Variants in HSF1 observed in about 807,000 individuals in gnomAD.
HSF1 encodes the protein heat shock transcription factor 1.
HSF1 carries 32 observed loss-of-function variants against 51.7 expected under a neutral mutation model. That is an observed-to-expected ratio of 0.62 (90% CI 0.47 to 0.83). The LOEUF (loss-of-function observed/expected upper bound fraction) is 0.83, where lower values mean the gene tolerates loss of function less well. HSF1 is among the 40% of genes least tolerant of loss of function. The probability of loss-of-function intolerance (pLI) is 0.00; values close to 1 mark genes in which losing one functional copy is unlikely to be tolerated. For missense variants in HSF1, 727 were observed against 717.0 expected, an observed-to-expected ratio of 1.01 and a Z score of -0.16; for synonymous variants, 396 against 309.7, an observed-to-expected ratio of 1.28 and a Z score of -2.92.
At position 144,291,785 on chromosome 8, in the gene HSF1, G is replaced by A; in HGVS notation, c.28G>A (p.Ala10Thr). 6.5e-7 allele frequency: 1 copy of A among 1,536,212 alleles called. No homozygotes were observed. Among genetic ancestry groups the A allele is most frequent in the South Asian group, 1.2e-5 (1 of 83,326 alleles). ...GGATCTGCCCGTGGGCCCCGGCGCGGCGGGGCCCAGCAACGTCCCGGCCTT... is the reference window on the plus strand; with the variant it reads ...GGATCTGCCCGTGGGCCCCGGCGCGACGGGGCCCAGCAACGTCCCGGCCTT... MDLPVGPGA[A>T]GPSNVPAFLT... The change falls in exon 1 of 13, where the codon GCG becomes ACG. Residue 10 changes from alanine (A) to threonine (T), a missense_variant. Physicochemically the swap from Ala to Thr is moderately conservative, Grantham distance 58. This residue lies in a region of HSF1 where 257 missense variants were observed against 318.3 expected (regional missense o/e 0.81). Transcript: ENST00000528838. The surrounding 1 kb of genome is among the most constrained non-coding windows in gnomAD (Gnocchi z 4.1).
At chr8:144,308,821 CAGAAGGGGCGGCCTGG>C in intron 1 of HSF1, 69 bp from the exon 2 acceptor site, 1 of 1,111,530 alleles carries the variant, frequency 9.0e-7, no homozygotes, top group Non-Finnish European at 1.4e-6. Flanking sequence ...GCCTGCGTTT[CAGAAGGGGCGGCCTGG>C]GGAAGGGGCG....
chr8:144,312,627 G>A (rs1450244391), intron 9 of HSF1: 15 of 1,535,306 alleles, frequency 9.8e-6, no homozygotes, highest in Non-Finnish European at 1.3e-5. Context: ...GTATCTTGCA[G>A]TTTGGCTCGC....
intron 1 of HSF1, among the ~76,000 whole-genome samples, chr8:144,304,276 A>C (rs1343930605): frequency 2.0e-5 from 3 of 152,238 alleles, no homozygotes; most frequent in Non-Finnish European, 4.4e-5. Flanking sequence ...AGGTGTCAGT[A>C]GATTTTACTC....
chr8:144,309,369 G>A (rs954144127), intron 2 of HSF1, 86 bp from the exon 3 acceptor site: 9 of 1,569,106 alleles, frequency 5.7e-6, no homozygotes, highest in Admixed American at 1.7e-5. Flanking sequence ...GCCAAGCCCC[G>A]CAGCAGCCTC....
chr8:144,295,713 C>CTT (rs536228987), intron 1 of HSF1, among the ~76,000 whole-genome samples: 74,377 of 144,254 alleles, frequency 0.52, 19,298 homozygotes, highest in Admixed American at 0.65. Context: ...CCAGACCTGG[C>CTT]TTTTTTTTTT....
In HSF1 at chr8:144,291,960, G is replaced by C. The variant is rs1196404023; in HGVS notation, c.117+86G>C. On this transcript the variant is annotated intron_variant, in intron 1 of 12. Transcript: ENST00000528838. The surrounding 1 kb of genome is among the most constrained non-coding windows in gnomAD (Gnocchi z 4.1). ...ACGGCGCGGGAGGGCTGCGGGGAGGGGCCCTGCCGCACTTCAGCTTACGCG... is the reference window on the plus strand; with the variant it reads ...ACGGCGCGGGAGGGCTGCGGGGAGGCGCCCTGCCGCACTTCAGCTTACGCG... The C allele has an allele frequency of 1.5e-6, 1 of 649,364 alleles. No individual in the cohort carries two copies. Among genetic ancestry groups the C allele is most frequent in the Non-Finnish European group, 2.3e-6 (1 of 432,578 alleles). 40.2% of individuals were successfully genotyped at this position (649,364 alleles called of 1,614,324 possible).
chr8:144,291,670 C>T lies in HSF1; in HGVS notation c.-88C>T, dbSNP rs1473198762. Reference sequence around the variant, plus strand: ...GTGTGCGCAGCGGGCGGCGGCGCGGCCCGGAAGGCTGGCGCGGCGACGGCG... The same window carrying T: ...GTGTGCGCAGCGGGCGGCGGCGCGGTCCGGAAGGCTGGCGCGGCGACGGCG... On this transcript the variant is annotated 5_prime_UTR_variant, in exon 1 of 13. Transcript: ENST00000528838. This position sits in a 1 kb window ranked among gnomAD's most constrained non-coding sequence, Gnocchi z 4.1. The T allele has an allele frequency of 1.1e-5, 8 of 746,576 alleles. No individual in the cohort carries two copies. Among genetic ancestry groups the T allele is most frequent in the Admixed American group, 4.2e-5 (1 of 24,054 alleles). The allele number at this position is 746,576 out of a possible 1,614,324, so 46.2% of individuals were successfully genotyped here. A position where few individuals can be genotyped will look rare whatever the true frequency, so the allele number is the denominator to read the frequency against.
chr8:144,313,466 TG>T, intron 9 of HSF1, 44 bp from the exon 10 acceptor site: 2 of 1,287,968 alleles, frequency 1.6e-6, no homozygotes, highest in African/African-American at 1.5e-5. Context: ...CATTGGGGTG[TG>T]GGGCCTGGGG....
At chr8:144,309,639 T>TCG in intron 3 of HSF1, 48 bp downstream of exon 3, 1 of 1,562,300 alleles carries the variant, frequency 6.4e-7, no homozygotes, top group Non-Finnish European at 8.7e-7. Context: ...GCCACAGCTC[T>TCG]CCCCGCCCGC....
Position 144,311,706 on chromosome 8 carries a change from T to C in HSF1, c.730T>C (p.Ser244Pro), listed in dbSNP as rs1554844605. The C allele has an allele frequency of 6.2e-7, 1 of 1,608,784 alleles. No individual in the cohort carries two copies. Among genetic ancestry groups the C allele is most frequent in the East Asian group, 2.2e-5 (1 of 44,812 alleles). The change falls in exon 8 of 13, where the codon TCC becomes CCC. Residue 244 changes from serine to proline, a missense_variant. This residue lies in a region of HSF1 where 470 missense variants were observed against 398.8 expected (regional missense o/e 1.18). Transcript: ENST00000528838. ...VHGSGPYSAPSPAYSSSSLYA... is the reference protein window; with the variant it reads ...VHGSGPYSAPPPAYSSSSLYA... ...CTCCTGCCTTTGATTGCAGGCCCCC[T>C]CCCCAGCCTACAGCAGCTCCAGCCT...
At position 144,291,945 on chromosome 8, in the gene HSF1, AG is replaced by A. The variant is rs1815116353; in HGVS notation, c.117+74del. 2.5e-6 allele frequency: 2 copies of A among 810,186 alleles called. No homozygotes were observed. Among genetic ancestry groups the A allele is most frequent in the Admixed American group, 8.7e-5 (2 of 22,964 alleles). The allele number at this position is 810,186 out of a possible 1,614,324, so 50.2% of individuals were successfully genotyped here. Reference sequence around the variant, plus strand: ...GCAGGGCCGCGGCGGACGGCGCGGGAGGGCTGCGGGGAGGGGCCCTGCCGCA... The same window carrying A: ...GCAGGGCCGCGGCGGACGGCGCGGGAGGCTGCGGGGAGGGGCCCTGCCGCA... On this transcript the variant is annotated intron_variant, in intron 1 of 12. Coordinates refer to ENST00000528838, the MANE Select transcript of HSF1 (RefSeq NM_005526.4). The surrounding 1 kb of genome is among the most constrained non-coding windows in gnomAD (Gnocchi z 4.1).
chr8:144,291,989 T>G lies in HSF1; in HGVS notation c.117+115T>G. 2.0e-6 allele frequency: 1 copy of G among 505,770 alleles called. No homozygotes were observed. The highest frequency in any genetic ancestry group is 3.8e-5 in the East Asian group (1 of 26,544). 31.3% of individuals were successfully genotyped at this position (505,770 alleles called of 1,614,324 possible). A position where few individuals can be genotyped will look rare whatever the true frequency, so the allele number is the denominator to read the frequency against. ...CTGCCGCACTTCAGCTTACGCGCGG[T>G]GAGCCTGCCCTGCCCCCGCCAGAGA... On this transcript the variant is annotated intron_variant, in intron 1 of 12. Transcript: ENST00000528838. The surrounding 1 kb of genome is among the most constrained non-coding windows in gnomAD (Gnocchi z 4.1).
intron 1 of HSF1, among the ~76,000 whole-genome samples, chr8:144,296,927 T>TC (rs1564611526): frequency 4.7e-5 from 7 of 150,256 alleles, no homozygotes; most frequent in African/African-American, 9.8e-5. Context: ...GATGGTGTGG[T>TC]GGGGGGGGTG....
intron 1 of HSF1, among the ~76,000 whole-genome samples, chr8:144,302,019 A>G (rs1339213136): frequency 1.3e-5 from 2 of 150,500 alleles, no homozygotes; most frequent in Non-Finnish European, 3.0e-5. Context: ...TACAAAAACT[A>G]GCTGGGCGTG....
rs1815433124 is a variant in HSF1, at chr8:144,296,093, A to G, written c.117+4219A>G. Among the ~76,000 whole-genome samples, 4 of 152,136 alleles carry G rather than the reference A, an allele frequency of 2.6e-5. No homozygotes were observed. The South Asian group carries it at 8.3e-4, about 32-fold the overall frequency. ...GCGGGAGAGAGTTCCATTGAAAGCC[A>G]GTGGTCAGGTGGCCGCTGTGGAGGG... On this transcript the variant is annotated intron_variant, in intron 1 of 12. Transcript: ENST00000528838.
At chr8:144,301,844 G>C (rs139621633) in intron 1 of HSF1, among the ~76,000 whole-genome samples, 2 of 151,740 alleles carry the variant, frequency 1.3e-5, no homozygotes, top group Non-Finnish European at 2.9e-5. Context: ...CAGCCTGGGC[G>C]ACAAAGCGAG....
chr8:144,302,463 C>T (rs942920351), intron 1 of HSF1, among the ~76,000 whole-genome samples: 2 of 151,366 alleles, frequency 1.3e-5, no homozygotes, highest in East Asian at 1.9e-4. Flanking sequence ...GCTGAGATCG[C>T]GCCATTGCAC....
chr8:144,312,335 C>A, intron 9 of HSF1, 91 bp downstream of exon 9: 1 of 1,028,482 alleles, frequency 9.7e-7, no homozygotes, highest in Non-Finnish European at 1.4e-6. Context: ...CTGAGCAGGG[C>A]AGCTGGCGAG....
At chr8:144,305,723 A>AAT (rs1293279923) in intron 1 of HSF1, among the ~76,000 whole-genome samples, 3 of 78,492 alleles carry the variant, frequency 3.8e-5, no homozygotes, top group African/African-American at 1.6e-4. Flanking sequence ...CCTCTGGTTA[A>AAT]TTTTTTTTTT....
Sources: gnomAD v4.1 joint callset for allele counts (sites outside exome capture counted in the v4.1 genomes callset) on GRCh38, gnomAD v4.1.1 for gene constraint, gnomAD v4.1.1 regional missense constraint, Gnocchi (gnomAD v3.1) non-coding constraint, MANE v1.5 for transcripts, NCBI Gene and HGNC (gene_info 2026-07-23, HGNC 2026-07-21) for gene names.